Variants in DCAF10 observed in about 807,000 individuals in gnomAD.
DCAF10 encodes DDB1 and CUL4 associated factor 10.
Under a neutral mutation model 51.9 loss-of-function variants are expected in DCAF10, and 19 were observed. That is an observed-to-expected ratio of 0.37 (90% CI 0.26 to 0.54). The LOEUF is 0.54. DCAF10 is among the 20% of genes least tolerant of loss of function. The probability of loss-of-function intolerance (pLI) is 0.87; values close to 1 mark genes in which losing one functional copy is unlikely to be tolerated. For missense variants in DCAF10, 510 were observed against 730.6 expected (o/e 0.70, Z 3.48); for synonymous variants, 291 against 297.1 (o/e 0.98, Z 0.21).
rs145044925 is a variant in DCAF10 at position 37,856,003 on chromosome 9, T to C, written c.1054+1021T>C. Among the ~76,000 whole-genome samples, 564 of 152,128 alleles carry C rather than the reference T, an allele frequency of 3.7e-3. 5 individuals are homozygous for C. The highest frequency in any genetic ancestry group is 0.013 in the African/African-American group (546 of 41,502). On this transcript the variant is annotated intron_variant, in intron 4 of 6. Transcript: ENST00000377724. ...CTGTCTCTACGAAAAACACAAAAAT[T>C]AGCCAGATATGCTAGCATGCATCTG...
intron 3 of DCAF10, among the ~76,000 whole-genome samples, chr9:37,844,827 TAAC>T (rs141543253): frequency 0.19 from 28,913 of 151,522 alleles, 3,124 homozygotes; most frequent in African/African-American, 0.29. Context: ...AAAAGAAAAA[TAAC>T]AACAACAACA....
chr9:37,814,291 A>C (rs931896668), intron 1 of DCAF10, among the ~76,000 whole-genome samples: 3 of 137,268 alleles, frequency 2.2e-5, no homozygotes, highest in Admixed American at 7.4e-5. Context: ...GGCATGTGCC[A>C]CCACGCCGGC....
chr9:37,850,637 T>C (rs1197191667), intron 3 of DCAF10, among the ~76,000 whole-genome samples: 1 of 151,098 alleles, frequency 6.6e-6, no homozygotes, highest in East Asian at 2.0e-4. Flanking sequence ...TGGAGTACAG[T>C]TGGGGGAAAC....
intron 1 of DCAF10, among the ~76,000 whole-genome samples, chr9:37,808,359 A>G (rs2119021296): frequency 6.7e-6 from 1 of 150,250 alleles, no homozygotes; most frequent in South Asian, 2.1e-4. Context: ...AGTGAGCCAA[A>G]ATCGCGCCAC....
chr9:37,860,369 A>T, intron 6 of DCAF10, 176 bp downstream of exon 6: 6 of 788,510 alleles, frequency 7.6e-6, no homozygotes, highest in Non-Finnish European at 1.1e-5. Context: ...TGGTATCATT[A>T]TCCCTTCCAA....
At chr9:37,852,928 GGTT>G (rs1470917628) in intron 3 of DCAF10, among the ~76,000 whole-genome samples, 6 of 86,998 alleles carry the variant, frequency 6.9e-5, no homozygotes, top group South Asian at 4.6e-4. Flanking sequence ...AAGTATGTGA[GGTT>G]ATATATATAT....
At chr9:37,834,585 C>T (rs565360813) in intron 2 of DCAF10, among the ~76,000 whole-genome samples, 70 of 152,308 alleles carry the variant, frequency 4.6e-4, no homozygotes, top group African/African-American at 1.6e-3. Flanking sequence ...CCTTAAAACT[C>T]TCAGACCACT....
Position 37,835,317 on chromosome 9 carries a change from G to A in DCAF10, c.654-6772G>A, listed in dbSNP as rs1161736269. ...GCTGGGGCCGGGTGTGGTGGCTCAC[G>A]CTTGTAATCCCAGCACTTTGGGAGG... On this transcript the variant is annotated intron_variant, in intron 2 of 6. Coordinates refer to ENST00000377724, the MANE Select transcript of DCAF10 (RefSeq NM_024345.5). 5.3e-5 allele frequency among the ~76,000 whole-genome samples: 8 copies of A among 151,934 alleles called. No homozygotes were observed. In the South Asian group the frequency reaches 1.5e-3, roughly 28 times the overall value.
intron 2 of DCAF10, among the ~76,000 whole-genome samples, chr9:37,840,735 A>G (rs1471996573): frequency 6.6e-6 from 1 of 152,196 alleles, no homozygotes; most frequent in Non-Finnish European, 1.5e-5. Context: ...ATGGACAGTA[A>G]TGCCCTAGGC....
intron 1 of DCAF10, among the ~76,000 whole-genome samples, chr9:37,808,719 A>AGTATAT (rs1829224516): frequency 1.7e-3 from 4 of 2,396 alleles, no homozygotes; most frequent in African/African-American, 1.8e-3. Context: ...TTATATATAA[A>AGTATAT]ATTTATATAT....
chr9:37,801,076 G>A lies in DCAF10; in HGVS notation c.210G>A (p.Glu70=). 3 of 1,533,546 alleles carry A rather than the reference G, an allele frequency of 2.0e-6. No individual in the cohort carries two copies. The African/African-American group carries it at 4.2e-5, about 22-fold the overall frequency. 95.0% of individuals were successfully genotyped at this position (1,533,546 alleles called of 1,614,324 possible). A position where few individuals can be genotyped will look rare whatever the true frequency, so the allele number is the denominator to read the frequency against. Residue 70 remains glutamate (E), a synonymous_variant, in exon 1 of 7, where the codon GAG becomes GAA. Coordinates refer to ENST00000377724, the MANE Select transcript of DCAF10 (RefSeq NM_024345.5). The surrounding 1 kb of genome is among the most constrained non-coding windows in gnomAD (Gnocchi z 5.5). ...PSLSPAPRSG[E]LGLPGAPESS... is the part of the protein sequence containing the mutation. The stretch of plus-strand genomic sequence containing the variant: ...TGTCCCCGGCCCCGCGCTCCGGAGA[G>A]CTAGGGCTGCCTGGAGCTCCGGAGT...
At chr9:37,852,429 C>T (rs1428251319) in intron 3 of DCAF10, among the ~76,000 whole-genome samples, 1 of 152,114 alleles carries the variant, frequency 6.6e-6, no homozygotes, top group Non-Finnish European at 1.5e-5. Context: ...AAGACCCCAT[C>T]TCTACAGAAA....
intron 3 of DCAF10, among the ~76,000 whole-genome samples, chr9:37,845,545 G>T (rs1208274879): frequency 6.6e-6 from 1 of 152,168 alleles, no homozygotes; most frequent in East Asian, 1.9e-4. Flanking sequence ...CTATTACTAG[G>T]ACTAATATTT....
At chr9:37,823,141 GATTA>G (rs532479502) in intron 2 of DCAF10, among the ~76,000 whole-genome samples, 116 of 152,256 alleles carry the variant, frequency 7.6e-4, no homozygotes, top group African/African-American at 2.6e-3. Flanking sequence ...TGAAAGACAG[GATTA>G]ATTGAGAGAT....
chr9:37,820,817 C>T (rs574962069), intron 2 of DCAF10, among the ~76,000 whole-genome samples: 27 of 152,128 alleles, frequency 1.8e-4, no homozygotes, highest in African/African-American at 6.5e-4. Context: ...ATTAATATAA[C>T]AAAATCAGCC....
chr9:37,805,822 C>A (rs74754666), intron 1 of DCAF10, among the ~76,000 whole-genome samples: 2 of 152,226 alleles, frequency 1.3e-5, no homozygotes, highest in African/African-American at 4.8e-5. Context: ...CAGTGGCTCA[C>A]GCCTACAATC....
intron 3 of DCAF10, among the ~76,000 whole-genome samples, chr9:37,850,805 C>A (rs865871148): frequency 8.5e-6 from 1 of 117,044 alleles, no homozygotes. Flanking sequence ...ATCATAAATG[C>A]TAAGTATGTG....
intron 3 of DCAF10, among the ~76,000 whole-genome samples, chr9:37,848,707 C>T (rs1005906631): frequency 5.3e-5 from 8 of 151,394 alleles, no homozygotes; most frequent in Admixed American, 5.3e-4. Flanking sequence ...CATGGTGGCT[C>T]ACACCTGTAA....
At chr9:37,842,065 G>C (rs1407324679) in intron 2 of DCAF10, 24 bp from the exon 3 acceptor site, 6 of 1,596,700 alleles carry the variant, frequency 3.8e-6, no homozygotes, top group Non-Finnish European at 5.1e-6. Context: ...AATGAACCAG[G>C]GTTTTGTTTT....
Sources: allele counts gnomAD v4.1 joint callset (sites outside exome capture counted in the v4.1 genomes callset), GRCh38; gene constraint gnomAD v4.1.1; non-coding constraint Gnocchi (gnomAD v3.1); transcripts MANE v1.5; gene names NCBI Gene and HGNC (gene_info 2026-07-23, HGNC 2026-07-21).